SSH1: variants seen among roughly 807,000 people sequenced by gnomAD.
SSH1 encodes slingshot protein phosphatase 1, also known as protein phosphatase Slingshot homolog 1.
Under a neutral mutation model 79.7 loss-of-function variants are expected in SSH1, and 43 were observed. The observed-to-expected ratio is 0.54, with a 90% CI of 0.42 to 0.70. The LOEUF (loss-of-function observed/expected upper bound fraction) is 0.70. SSH1 is among the 30% of genes least tolerant of loss of function. The pLI, the probability that SSH1 is intolerant of heterozygous loss-of-function variation, is 0.00. For synonymous variants in SSH1, 599 were observed against 538.3 expected, an observed-to-expected ratio of 1.11 and a Z score of -1.56; for missense variants, 1,206 against 1,358.8, an observed-to-expected ratio of 0.89 and a Z score of 1.77.
intron 13 of SSH1, among the ~76,000 whole-genome samples, 156 bp from the exon 14 acceptor site, chr12:108,792,985 T>C (rs1257486667): frequency 6.6e-6 from 1 of 152,212 alleles, no homozygotes; most frequent in East Asian, 1.9e-4. Context: ...TGTTCATTTG[T>C]TCCCAAGAAA....
chr12:108,814,150 G>A (rs1167144888), intron 5 of SSH1, among the ~76,000 whole-genome samples: 2 of 151,902 alleles, frequency 1.3e-5, no homozygotes, highest in Non-Finnish European at 1.5e-5. Context: ...CTTGAACGCG[G>A]GAGGCAGAGG....
rs2036561652 is a variant in SSH1 at position 108,792,664 on chromosome 12, G to A, written c.1515C>T (p.Pro505=). Residue 505 remains proline, a synonymous_variant, in exon 14 of 15, where the codon CCC becomes CCT. Coordinates refer to ENST00000326495, the MANE Select transcript of SSH1 (RefSeq NM_018984.4). ...LDDAAQPGLG[P]PLPCCFRRLS... Reference sequence around the variant, plus strand: ...GTCGCCGGAAACAGCAGGGGAGGGGGGGCCCTAAGCCGGGCTGGGCGGCAT... The same window carrying A: ...GTCGCCGGAAACAGCAGGGGAGGGGAGGCCCTAAGCCGGGCTGGGCGGCAT... The A allele has an allele frequency of 6.2e-7, 1 of 1,612,026 alleles. No individual in the cohort carries two copies.
intron 2 of SSH1, among the ~76,000 whole-genome samples, chr12:108,832,451 G>A (rs2038497671): frequency 1.3e-5 from 2 of 152,056 alleles, no homozygotes; most frequent in Non-Finnish European, 2.9e-5. Flanking sequence ...GAATCCATAG[G>A]TCAGAAAGCA....
At chr12:108,797,126 G>C (rs1188029778) in intron 13 of SSH1, among the ~76,000 whole-genome samples, 1 of 151,000 alleles carries the variant, frequency 6.6e-6, no homozygotes, top group Non-Finnish European at 1.5e-5. Context: ...TCATTGTTTT[G>C]TTTGTTTGTT....
Position 108,787,821 on chromosome 12 carries a change from T to C in SSH1, c.*167A>G, listed in dbSNP as rs1186689452. 1.2e-6 allele frequency: 1 copy of C among 832,990 alleles called. No individual in the cohort carries two copies. Among genetic ancestry groups the C allele is most frequent in the Non-Finnish European group, 1.9e-6 (1 of 536,722 alleles). 51.6% of individuals were successfully genotyped at this position (832,990 alleles called of 1,614,324 possible). ...CAGCTCCCCTTCTTGTGCTGCATGT[T>C]GGTTAGTTTCTTCTCCTCCTCTCTA... On this transcript the variant is annotated 3_prime_UTR_variant, in exon 15 of 15. Transcript: ENST00000326495.
rs2036136451 is a variant in SSH1 at position 108,780,666 on chromosome 12, T to G, written c.*7322A>C. On this transcript the variant is annotated 3_prime_UTR_variant, in exon 15 of 15. Transcript: ENST00000326495. ...TCTTCAACCTTGCCAGAGAACAGTGTCTTGAACCATGACCCTCAGTGATTT... is the reference window on the plus strand; with the variant it reads ...TCTTCAACCTTGCCAGAGAACAGTGGCTTGAACCATGACCCTCAGTGATTT... 1.3e-5 allele frequency: 2 copies of G among 152,188 alleles called. No individual in the cohort carries two copies. Among genetic ancestry groups the G allele is most frequent in the African/African-American group, 4.8e-5 (2 of 41,446 alleles). 9.4% of individuals were successfully genotyped at this position (152,188 alleles called of 1,614,324 possible). A position where few individuals can be genotyped will look rare whatever the true frequency, so the allele number is the denominator to read the frequency against.
At chr12:108,801,371 T>C (rs76304752) in intron 11 of SSH1, among the ~76,000 whole-genome samples, 2,295 of 152,262 alleles carry the variant, frequency 0.015, 19 homozygotes, top group African/African-American at 0.026. Flanking sequence ...AAAGGCAAGA[T>C]AGACAAATAA....
chr12:108,842,512 A>C (rs373899913), intron 2 of SSH1, among the ~76,000 whole-genome samples: 123 of 152,360 alleles, frequency 8.1e-4, no homozygotes, highest in African/African-American at 2.8e-3. Flanking sequence ...CAGCCTGCAG[A>C]AGCTGGCCTC....
Position 108,806,337 on chromosome 12 carries a change from C to G in SSH1, c.789G>C (p.Met263Ile). The change falls in exon 9 of 15, where the codon ATG (methionine) becomes ATC (isoleucine). Residue 263 changes from methionine (M) to isoleucine (I), a missense_variant. Met to Ile is a conservative substitution (Grantham distance 10). This residue lies in a region of SSH1 where 116 missense variants were observed against 109.0 expected (regional missense o/e 1.06). Coordinates refer to ENST00000326495, the MANE Select transcript of SSH1 (RefSeq NM_018984.4). ...TCACATTTTCTAGATCCTGGCTCAT[C>G]ATGATGCTTCGGAGCTTGGCTTTGA... ...RLIKAKLRSI[M>I]MSQDLENVTS... 3 of 1,614,170 alleles carry G rather than the reference C, an allele frequency of 1.9e-6. No homozygotes were observed. The highest frequency in any genetic ancestry group is 2.5e-6 in the Non-Finnish European group (3 of 1,180,034).
chr12:108,779,481 T>A lies in SSH1; in HGVS notation c.*8507A>T, dbSNP rs1363365258. 3.3e-5 allele frequency: 5 copies of A among 152,206 alleles called. No homozygotes were observed. The highest frequency in any genetic ancestry group is 1.2e-4 in the African/African-American group (5 of 41,452). The allele number at this position is 152,206 out of a possible 1,614,324, so 9.4% of individuals were successfully genotyped here. On this transcript the variant is annotated 3_prime_UTR_variant, in exon 15 of 15. Transcript: ENST00000326495. ...GGGAGAGACAGCTCTGGGAAGGGTT[T>A]CAGATGATGAGGGAGCAGTTCCTAT...
At chr12:108,789,425 C>G (rs17324926) in intron 14 of SSH1, among the ~76,000 whole-genome samples, 181 bp from the exon 15 acceptor site, 36,599 of 151,982 alleles carry the variant, frequency 0.24, 5,567 homozygotes, top group South Asian at 0.42. Context: ...TCGAGAATAA[C>G]CACTGGCCTG....
chr12:108,835,327 G>C (rs1000326148), intron 2 of SSH1, among the ~76,000 whole-genome samples: 4 of 152,170 alleles, frequency 2.6e-5, no homozygotes, highest in Admixed American at 2.6e-4. Flanking sequence ...TGTAATCCCA[G>C]CTATTGGGAG....
At position 108,805,202 on chromosome 12, in the gene SSH1, T is replaced by C. The variant is rs1391069371; in HGVS notation, c.826-18A>G. 53 of 1,606,046 alleles carry C rather than the reference T, an allele frequency of 3.3e-5. No homozygotes were observed. The highest frequency in any genetic ancestry group is 4.3e-5 in the Non-Finnish European group (51 of 1,173,160). On this transcript the variant is annotated intron_variant, in intron 9 of 14. Transcript: ENST00000326495. ...TTACGAATCTGTGGAGTAGAAAATA[T>C]TAGGAAAAGTGATTTGTTAAAGAAA...
chr12:108,802,217 C>T, intron 11 of SSH1, 105 bp downstream of exon 11: 1 of 980,470 alleles, frequency 1.0e-6, no homozygotes, highest in Non-Finnish European at 1.6e-6. Context: ...GACCAGGGTG[C>T]AGGCAATTAC....
chr12:108,838,016 T>C (rs2038682365), intron 2 of SSH1, among the ~76,000 whole-genome samples: 1 of 152,094 alleles, frequency 6.6e-6, no homozygotes, highest in Non-Finnish European at 1.5e-5. Context: ...ACTCCTAGGC[T>C]CAAGAGATCC....
At position 108,781,655 on chromosome 12, in the gene SSH1, C is replaced by T. The variant is rs1207271848; in HGVS notation, c.*6333G>A. 3 of 152,138 alleles carry T rather than the reference C, an allele frequency of 2.0e-5. No homozygotes were observed. The highest frequency in any genetic ancestry group is 6.5e-5 in the Admixed American group (1 of 15,268). 9.4% of individuals were successfully genotyped at this position (152,138 alleles called of 1,614,324 possible). A position where few individuals can be genotyped will look rare whatever the true frequency, so the allele number is the denominator to read the frequency against. The stretch of plus-strand genomic sequence containing the variant: ...GTTAGTGCTCACCAAATACATGTGC[C>T]CCATACATTTCCCAGTCTCCCTGGC... On this transcript the variant is annotated 3_prime_UTR_variant, in exon 15 of 15. Coordinates refer to ENST00000326495, the MANE Select transcript of SSH1 (RefSeq NM_018984.4).
chr12:108,814,329 G>A (rs899690202), intron 5 of SSH1, among the ~76,000 whole-genome samples: 2 of 151,988 alleles, frequency 1.3e-5, no homozygotes, highest in African/African-American at 4.8e-5. Flanking sequence ...ATGCCCTTTG[G>A]GGGTAATGCT....
At chr12:108,809,875 G>A in intron 6 of SSH1, 117 bp from the exon 7 acceptor site, 1 of 860,984 alleles carries the variant, frequency 1.2e-6, no homozygotes, top group Non-Finnish European at 2.0e-6. Flanking sequence ...GCACATCTCA[G>A]GCCACATGAT....
At chr12:108,822,036 T>C (rs1195345649) in intron 3 of SSH1, among the ~76,000 whole-genome samples, 1 of 152,218 alleles carries the variant, frequency 6.6e-6, no homozygotes, top group African/African-American at 2.4e-5. Context: ...AAAGATCCAC[T>C]TACATGCAAG....
Sources: allele counts gnomAD v4.1 joint callset (sites outside exome capture counted in the v4.1 genomes callset), GRCh38; gene constraint gnomAD v4.1.1; regional missense constraint gnomAD v4.1.1; transcripts MANE v1.5; gene names NCBI Gene and HGNC (gene_info 2026-07-23, HGNC 2026-07-21).